PCDH11Y: variants seen among roughly 807,000 people sequenced by gnomAD.
PCDH11Y encodes protocadherin-11 Y-linked.
For missense variants in PCDH11Y, 12 were observed against 224.8 expected, an observed-to-expected ratio of 0.05 and a Z score of 6.05; for synonymous variants, 9 against 83.6, an observed-to-expected ratio of 0.11 and a Z score of 4.87.
intron 2 of PCDH11Y, among the ~76,000 whole-genome samples, chrY:5,491,556 C>A (rs2053338453): frequency 3.1e-5 from 1 of 32,487 alleles, no homozygotes; most frequent in African/African-American, 1.2e-4. Flanking sequence ...ACCACCCCCC[C>A]ACCCCAACTT....
At chrY:5,354,491 TG>T (rs2053163491) in intron 2 of PCDH11Y, among the ~76,000 whole-genome samples, 2 of 32,433 alleles carry the variant, frequency 6.2e-5, no homozygotes, top group African/African-American at 2.4e-4. Context: ...ATGCTGTATT[TG>T]GGGGTAGTGT....
At chrY:5,341,690 C>T (rs2053145225) in intron 2 of PCDH11Y, among the ~76,000 whole-genome samples, 1 of 32,736 alleles carries the variant, frequency 3.1e-5, no homozygotes, top group Non-Finnish European at 7.4e-5. Flanking sequence ...GGCATGGTGG[C>T]TCACGCCTGT....
intron 1 of PCDH11Y, among the ~76,000 whole-genome samples, chrY:5,094,113 C>T (rs2052746203): frequency 1.5e-4 from 5 of 33,220 alleles, no homozygotes; most frequent in Admixed American, 5.5e-4. Context: ...AAGGATGTGT[C>T]GATGCTGAAG....
chrY:5,307,591 T>G, intron 2 of PCDH11Y, among the ~76,000 whole-genome samples: 1 of 33,257 alleles, frequency 3.0e-5, no homozygotes, highest in Non-Finnish European at 7.4e-5. Flanking sequence ...ATGTTTATTC[T>G]GTCAAAACCA....
chrY:5,548,235 A>T, intron 3 of PCDH11Y, among the ~76,000 whole-genome samples: 1 of 32,936 alleles, frequency 3.0e-5, no homozygotes, highest in Non-Finnish European at 7.5e-5. Flanking sequence ...CAGGAAAACT[A>T]AGAATCATAA....
chrY:5,604,629 G>A, intron 4 of PCDH11Y, among the ~76,000 whole-genome samples: 1 of 31,622 alleles, frequency 3.2e-5, no homozygotes, highest in Non-Finnish European at 7.7e-5. Context: ...GGTGTTCAAC[G>A]TGATGTTTTT....
chrY:5,323,951 C>A, intron 2 of PCDH11Y, among the ~76,000 whole-genome samples: 1 of 31,772 alleles, frequency 3.1e-5, no homozygotes, highest in South Asian at 7.3e-4. Context: ...GCCAAATAAC[C>A]TCATGTATCA....
intron 1 of PCDH11Y, among the ~76,000 whole-genome samples, chrY:5,083,537 A>G: frequency 3.3e-5 from 1 of 30,703 alleles, no homozygotes; most frequent in East Asian, 8.7e-4. Flanking sequence ...GAGTCTGGAA[A>G]TATTCTCTCC....
At chrY:5,340,985 A>G in intron 2 of PCDH11Y, among the ~76,000 whole-genome samples, 1 of 34,483 alleles carries the variant, frequency 2.9e-5, no homozygotes, top group Non-Finnish European at 7.2e-5. Flanking sequence ...ATATTAATAC[A>G]TTAGCATTAA....
chrY:5,007,387 C>T, intron 1 of PCDH11Y, among the ~76,000 whole-genome samples: 1 of 29,459 alleles, frequency 3.4e-5, no homozygotes, highest in South Asian at 8.1e-4. Flanking sequence ...TCAATAAAAA[C>T]TGTTTTAATA....
chrY:5,302,609 G>T, intron 2 of PCDH11Y, among the ~76,000 whole-genome samples: 1 of 31,170 alleles, frequency 3.2e-5, no homozygotes, highest in African/African-American at 1.2e-4. Context: ...CCCTATGCTT[G>T]TTCCTGGAAA....
chrY:5,108,058 C>CA (rs200095539), downstream of PCDH11Y, among the ~76,000 whole-genome samples: 7 of 7,271 alleles, frequency 9.6e-4, no homozygotes, highest in Admixed American at 3.3e-3. Flanking sequence ...GAGGCTGTCT[C>CA]AAAAAAAAAA....
At chrY:5,484,683 A>G (rs2124686157) in intron 2 of PCDH11Y, among the ~76,000 whole-genome samples, 10 of 33,804 alleles carry the variant, frequency 3.0e-4, no homozygotes, top group African/African-American at 1.2e-3. Context: ...ATGTATACAT[A>G]TTTATTCAAT....
chrY:5,019,978 A>G, intron 1 of PCDH11Y, among the ~76,000 whole-genome samples: 1 of 32,423 alleles, frequency 3.1e-5, no homozygotes, highest in Non-Finnish European at 7.5e-5. Context: ...TTATATTCAA[A>G]ATATACTTTT....
intron 2 of PCDH11Y, among the ~76,000 whole-genome samples, chrY:5,285,113 A>T: frequency 3.1e-5 from 1 of 32,162 alleles, no homozygotes; most frequent in Non-Finnish European, 7.6e-5. Context: ...CTTTGTGTCC[A>T]TGTGTACTCA....
intron 2 of PCDH11Y, among the ~76,000 whole-genome samples, chrY:5,117,008 A>G (rs373640941): frequency 4.0e-3 from 131 of 32,588 alleles, no homozygotes; most frequent in African/African-American, 0.014. Context: ...ATACTAACAG[A>G]TAGAGACTTG....
intron 3 of PCDH11Y, among the ~76,000 whole-genome samples, chrY:5,522,017 G>T (rs2053381646): frequency 3.1e-5 from 1 of 31,772 alleles, no homozygotes; most frequent in Non-Finnish European, 7.6e-5. Context: ...GGGACTACAG[G>T]TGCCTGCCAC....
At chrY:5,594,972 T>G in intron 4 of PCDH11Y, among the ~76,000 whole-genome samples, 1 of 30,144 alleles carries the variant, frequency 3.3e-5, no homozygotes, top group Admixed American at 3.1e-4. Context: ...AGCAGCTCTC[T>G]CTGCCAACGC....
chrY:5,405,071 T>C, intron 2 of PCDH11Y, among the ~76,000 whole-genome samples: 1 of 25,675 alleles, frequency 3.9e-5, no homozygotes, highest in African/African-American at 1.6e-4. Flanking sequence ...TGTATTTCTT[T>C]TAAGTAACAA....
Sources: allele counts gnomAD v4.1 joint callset (sites outside exome capture counted in the v4.1 genomes callset), GRCh38; gene constraint gnomAD v4.1.1; transcripts MANE v1.5; gene names NCBI Gene and HGNC (gene_info 2026-07-23, HGNC 2026-07-21).